The following ADAM19 variants were observed in gnomAD, a reference collection of about 807,000 sequenced individuals.
ADAM19 encodes disintegrin and metalloproteinase domain-containing protein 19.
Under a neutral mutation model 114.7 loss-of-function variants are expected in ADAM19, and 65 were observed. That is an observed-to-expected ratio of 0.57 (90% CI 0.46 to 0.70). ADAM19 has a LOEUF of 0.70. Ranked by LOEUF, ADAM19 falls within the 30% of genes least tolerant of loss-of-function variation. ADAM19 has a pLI of 0.00. For synonymous variants in ADAM19, 466 were observed against 460.5 expected (o/e 1.01, Z -0.15); for missense variants, 1,063 against 1,204.7 (o/e 0.88, Z 1.74).
At chr5:157,486,492 G>A (rs1754937011) in intron 21 of ADAM19, among the ~76,000 whole-genome samples, 1 of 152,132 alleles carries the variant, frequency 6.6e-6, no homozygotes, top group Non-Finnish European at 1.5e-5. Flanking sequence ...TCCCAGGGGT[G>A]CAGGTGCAGG....
chr5:157,494,362 T>C (rs1755280931), intron 15 of ADAM19, among the ~76,000 whole-genome samples: 1 of 152,122 alleles, frequency 6.6e-6, no homozygotes, highest in African/African-American at 2.4e-5. Flanking sequence ...AATTAATGAA[T>C]GAGGAGCTAT....
intron 3 of ADAM19, among the ~76,000 whole-genome samples, chr5:157,539,918 C>A (rs1261104480): frequency 6.6e-6 from 1 of 152,220 alleles, no homozygotes; most frequent in African/African-American, 2.4e-5. Context: ...ATGAGTAGTT[C>A]AGTGTACTAG....
chr5:157,556,306 C>T (rs1006275182), intron 3 of ADAM19, among the ~76,000 whole-genome samples: 15 of 148,354 alleles, frequency 1.0e-4, no homozygotes, highest in African/African-American at 3.8e-4. Flanking sequence ...GCAACCTCTG[C>T]CTCCCGGGTT....
chr5:157,509,197 CT>C, intron 9 of ADAM19, 103 bp downstream of exon 9: 4 of 1,255,014 alleles, frequency 3.2e-6, no homozygotes, highest in Non-Finnish European at 4.3e-6. Context: ...TCAGAATGGC[CT>C]TGTACAACCA....
At chr5:157,557,329 C>T (rs1490685738) in intron 3 of ADAM19, among the ~76,000 whole-genome samples, 1 of 152,166 alleles carries the variant, frequency 6.6e-6, no homozygotes, top group African/African-American at 2.4e-5. Flanking sequence ...GGACCAAAGT[C>T]CAAATCTGTT....
In ADAM19 at chr5:157,478,082, C is replaced by T. The variant is rs1163651417; in HGVS notation, c.*2867G>A. On this transcript the variant is annotated 3_prime_UTR_variant, in exon 23 of 23. Coordinates refer to ENST00000257527, the MANE Select transcript of ADAM19 (RefSeq NM_033274.5). ...CCCTTGAGGTTTGTTTTAGAGATGG[C>T]TCCAAGGCCCTTAAAAAAAAATTCT... is the stretch of plus-strand genomic sequence containing the variant. The T allele has an allele frequency of 6.3e-6, 1 of 159,626 alleles. No homozygotes were observed. Among genetic ancestry groups the T allele is most frequent in the Non-Finnish European group, 1.4e-5 (1 of 72,578 alleles). 9.9% of individuals were successfully genotyped at this position (159,626 alleles called of 1,614,324 possible).
rs1271420320 is a variant in ADAM19, at chr5:157,499,672, C to G, written c.1309-10G>C. The G allele has an allele frequency of 6.3e-7, 1 of 1,595,858 alleles. No homozygotes were observed. The highest frequency in any genetic ancestry group is 2.3e-5 in the East Asian group (1 of 44,172). On this transcript the variant is annotated splice_polypyrimidine_tract_variant and intron_variant, in intron 12 of 22. Coordinates refer to ENST00000257527, the MANE Select transcript of ADAM19 (RefSeq NM_033274.5). ...AGGGGTTGTTACATTCCTGGGGAGG[C>G]AGTGGGGTGGGTGTGAGTGGGGGAG...
chr5:157,509,389 C>G lies in ADAM19; in HGVS notation c.817G>C (p.Glu273Gln). The stretch of plus-strand genomic sequence containing the variant: ...GACCAGAGGGTAGAATATGGATTCT[C>G]TGAAACTTCACACATGTTCCCGTGG... ...WTHGNMCEVS[E>Q]NPYSTLWSFL... The change falls in exon 9 of 23, where the codon GAG (glutamate) becomes CAG (glutamine). Residue 273 changes from glutamate to glutamine, a missense_variant. Physicochemically the swap from Glu to Gln is conservative, Grantham distance 29. Transcript: ENST00000257527. The G allele has an allele frequency of 6.2e-7, 1 of 1,613,812 alleles. No individual in the cohort carries two copies. Among genetic ancestry groups the G allele is most frequent in the Non-Finnish European group, 8.5e-7 (1 of 1,179,860 alleles).
Position 157,507,139 on chromosome 5 carries a change from C to A in ADAM19, c.907G>T (p.Gly303Cys). Residue 303 changes from glycine to cysteine, a missense_variant and splice_region_variant, in exon 10 of 23, where the codon GGC (glycine) becomes TGC (cysteine). Physicochemically the swap from Gly to Cys is radical, Grantham distance 159 (BLOSUM62 -3). Transcript: ENST00000257527. Reference protein sequence around the residue: ...KYHDNAQLITGMSFHGTTIGL... With the variant: ...KYHDNAQLITCMSFHGTTIGL... ...ATGGTGGTGCCGTGGAAGGACATGC[C>A]CCTGCAGGAGGCAAGGAGAGACGGT... 6.2e-7 allele frequency: 1 copy of A among 1,613,840 alleles called. No homozygotes were observed. Among genetic ancestry groups the A allele is most frequent in the Non-Finnish European group, 8.5e-7 (1 of 1,179,860 alleles).
At chr5:157,561,086 C>T (rs529916808) in intron 3 of ADAM19, among the ~76,000 whole-genome samples, 67 of 152,232 alleles carry the variant, frequency 4.4e-4, no homozygotes, top group Non-Finnish European at 7.3e-4. Context: ...AAAAGCAATG[C>T]TCAGATTATC....
At chr5:157,505,914 ACT>A in intron 10 of ADAM19, 106 bp from the exon 11 acceptor site, 1 of 1,301,072 alleles carries the variant, frequency 7.7e-7, no homozygotes, top group Non-Finnish European at 1.1e-6. Context: ...CACCAATTCC[ACT>A]GTCACTGAGC....
At chr5:157,569,732 C>G (rs1454974680) in intron 2 of ADAM19, among the ~76,000 whole-genome samples, 2 of 152,174 alleles carry the variant, frequency 1.3e-5, no homozygotes, top group Non-Finnish European at 2.9e-5. Flanking sequence ...ACATCTCTTT[C>G]CTGCTATAAT....
At chr5:157,485,299 A>T (rs1395815365) in intron 21 of ADAM19, among the ~76,000 whole-genome samples, 1 of 152,258 alleles carries the variant, frequency 6.6e-6, no homozygotes, top group East Asian at 1.9e-4. Context: ...AAACTATTTT[A>T]AAAATTCAAA....
Position 157,479,859 on chromosome 5 carries a change from G to T in ADAM19, c.*1090C>A. On this transcript the variant is annotated 3_prime_UTR_variant, in exon 23 of 23. Transcript: ENST00000257527. Reference sequence around the variant, plus strand: ...CCTCGTGTGTACTTTGTAAATAGCTGGGCTCCCTAAGGGGAAACCTCACCT... The same window carrying T: ...CCTCGTGTGTACTTTGTAAATAGCTTGGCTCCCTAAGGGGAAACCTCACCT... The T allele has an allele frequency of 3.0e-6, 3 of 985,552 alleles. No individual in the cohort carries two copies. Among genetic ancestry groups the T allele is most frequent in the Non-Finnish European group, 3.6e-6 (3 of 829,986 alleles). 61.1% of individuals were successfully genotyped at this position (985,552 alleles called of 1,614,324 possible). A position where few individuals can be genotyped will look rare whatever the true frequency, so the allele number is the denominator to read the frequency against.
At chr5:157,558,119 A>G (rs1205672739) in intron 3 of ADAM19, among the ~76,000 whole-genome samples, 2 of 152,366 alleles carry the variant, frequency 1.3e-5, no homozygotes, top group Admixed American at 1.3e-4. Flanking sequence ...CTCTGGAATG[A>G]CGTGCCTAGC....
At chr5:157,493,279 G>C in intron 15 of ADAM19, 102 bp from the exon 16 acceptor site, 2 of 1,300,150 alleles carry the variant, frequency 1.5e-6, no homozygotes, top group Non-Finnish European at 2.2e-6. Context: ...CAGCAGGCTT[G>C]CGTGGGGTGG....
intron 5 of ADAM19, among the ~76,000 whole-genome samples, chr5:157,526,171 TATACACACAC>T (rs754650645): frequency 8.8e-5 from 13 of 147,724 alleles, no homozygotes; most frequent in African/African-American, 1.5e-4. Context: ...TATATATATA[TATACACACAC>T]ACACACACAC....
At chr5:157,567,666 G>A (rs1052447389) in intron 2 of ADAM19, among the ~76,000 whole-genome samples, 5 of 151,996 alleles carry the variant, frequency 3.3e-5, no homozygotes, top group Non-Finnish European at 7.4e-5. Flanking sequence ...GCATGGTGGC[G>A]CATGCCTGTA....
intron 5 of ADAM19, among the ~76,000 whole-genome samples, chr5:157,521,669 C>G (rs182630667): frequency 1.6e-3 from 248 of 152,272 alleles, no homozygotes; most frequent in Non-Finnish European, 3.3e-3. Context: ...CCAATCACCC[C>G]CTCTGACGGA....
Sources: allele counts gnomAD v4.1 joint callset (sites outside exome capture counted in the v4.1 genomes callset), GRCh38; gene constraint gnomAD v4.1.1; transcripts MANE v1.5; gene names NCBI Gene and HGNC (gene_info 2026-07-23, HGNC 2026-07-21).